Variants in PRR5L observed in about 807,000 individuals in gnomAD.
PRR5L encodes proline-rich protein 5-like.
PRR5L carries 21 observed loss-of-function variants against 36.4 expected under a neutral mutation model. The observed-to-expected ratio is 0.58, with a 90% confidence interval of 0.41 to 0.83. PRR5L has a LOEUF of 0.83. Ranked by LOEUF, PRR5L falls within the 40% of genes least tolerant of loss-of-function variation. The pLI is 0.00. For synonymous variants in PRR5L, 188 were observed against 197.0 expected, an observed-to-expected ratio of 0.95 and a Z score of 0.38; for missense variants, 381 against 473.3, an observed-to-expected ratio of 0.80 and a Z score of 1.81.
intron 3 of PRR5L, among the ~76,000 whole-genome samples, chr11:36,408,022 C>T (rs1052896921): frequency 2.0e-5 from 3 of 152,108 alleles, no homozygotes; most frequent in African/African-American, 7.2e-5. Flanking sequence ...CCCCGTAGTC[C>T]CAGAACTTTG....
At chr11:36,424,085 T>TG (rs777338456) in intron 4 of PRR5L, among the ~76,000 whole-genome samples, 6 of 152,094 alleles carry the variant, frequency 3.9e-5, no homozygotes, top group African/African-American at 9.7e-5. Context: ...TGAGTCTCCG[T>TG]GGAAAAAAAT....
chr11:36,411,161 T>C (rs1404853325), intron 3 of PRR5L, among the ~76,000 whole-genome samples: 1 of 152,224 alleles, frequency 6.6e-6, no homozygotes, highest in Non-Finnish European at 1.5e-5. Context: ...TGGGTCTTTC[T>C]CTGTGTGCAA....
intron 3 of PRR5L, among the ~76,000 whole-genome samples, chr11:36,412,056 T>C (rs1858038693): frequency 6.6e-6 from 1 of 152,168 alleles, no homozygotes; most frequent in African/African-American, 2.4e-5. Context: ...GTAGGTATCC[T>C]TATCCTCCCC....
At position 36,462,975 on chromosome 11, in the gene PRR5L, T is replaced by C. The variant is rs1859223975; in HGVS notation, c.*239T>C. On this transcript the variant is annotated 3_prime_UTR_variant, in exon 9 of 9. Transcript: ENST00000530639. ...GTGACCAGTTGCCTAATGGTCACTT[T>C]CTGACTCCAGCCTTGCCAGCCTGAC... 2 of 419,436 alleles carry C rather than the reference T, an allele frequency of 4.8e-6. No individual in the cohort carries two copies. The highest frequency in any genetic ancestry group is 4.1e-5 in the Admixed American group (1 of 24,630). 26.0% of individuals were successfully genotyped at this position (419,436 alleles called of 1,614,324 possible).
intron 1 of PRR5L, among the ~76,000 whole-genome samples, chr11:36,353,028 C>T (rs1443762668): frequency 2.0e-5 from 3 of 152,160 alleles, no homozygotes; most frequent in Non-Finnish European, 4.4e-5. Context: ...CTTGCTCTGT[C>T]TCCCAGACTG....
rs561705899 is a variant in PRR5L at position 36,377,175 on chromosome 11, C to T, written c.-125-23822C>T. Among the ~76,000 whole-genome samples, 62 of 152,324 alleles carry T rather than the reference C, an allele frequency of 4.1e-4. No individual in the cohort carries two copies. The highest frequency in any genetic ancestry group is 6.9e-4 in the Non-Finnish European group (47 of 68,022). On this transcript the variant is annotated intron_variant, in intron 1 of 8. Coordinates refer to ENST00000530639, the MANE Select transcript of PRR5L (RefSeq NM_001160167.2). The surrounding 1 kb of genome is among the most constrained non-coding windows in gnomAD (Gnocchi z 5.1). ...TGCAGCAGCCTTTTCCCGGCGGTCC[C>T]CCTTTTTCTGGAGGGAGGCGTGGGA...
chr11:36,313,721 A>G (rs1856527594), intron 1 of PRR5L, among the ~76,000 whole-genome samples: 1 of 152,184 alleles, frequency 6.6e-6, no homozygotes. Context: ...TAACAGCATG[A>G]TTGACCTTGT....
intron 1 of PRR5L, among the ~76,000 whole-genome samples, chr11:36,316,338 A>G (rs928089966): frequency 3.3e-5 from 5 of 152,188 alleles, no homozygotes; most frequent in African/African-American, 1.2e-4. Flanking sequence ...CACTGCCTAG[A>G]CAGAGCTGAT....
intron 8 of PRR5L, among the ~76,000 whole-genome samples, chr11:36,456,846 C>A (rs1285576710): frequency 6.6e-6 from 1 of 152,244 alleles, no homozygotes; most frequent in Non-Finnish European, 1.5e-5. Flanking sequence ...GCTCAAGCCC[C>A]TGTTGGGGGC....
intron 1 of PRR5L, among the ~76,000 whole-genome samples, chr11:36,366,616 T>G (rs1413570554): frequency 2.0e-5 from 3 of 152,206 alleles, no homozygotes; most frequent in African/African-American, 7.2e-5. Context: ...AAATTACTAA[T>G]TAATTAGTAT....
At chr11:36,370,220 T>G (rs534595215) in intron 1 of PRR5L, among the ~76,000 whole-genome samples, 5 of 152,358 alleles carry the variant, frequency 3.3e-5, no homozygotes, top group African/African-American at 9.6e-5. Flanking sequence ...GCCTCTGTAC[T>G]GACCATTTCT....
At chr11:36,386,061 C>T (rs557299787) in intron 1 of PRR5L, among the ~76,000 whole-genome samples, 3 of 152,244 alleles carry the variant, frequency 2.0e-5, no homozygotes, top group South Asian at 2.1e-4. Flanking sequence ...TTTGAGAGGC[C>T]GCAATGGAAG....
chr11:36,461,599 G>A (rs1408667374), intron 8 of PRR5L, among the ~76,000 whole-genome samples: 1 of 143,758 alleles, frequency 7.0e-6, no homozygotes, highest in East Asian at 2.1e-4. Context: ...CTCCAGCCTG[G>A]GTAACAAGAG....
At chr11:36,420,318 C>T (rs919199254) in intron 4 of PRR5L, among the ~76,000 whole-genome samples, 3 of 152,276 alleles carry the variant, frequency 2.0e-5, no homozygotes, top group Non-Finnish European at 2.9e-5. Flanking sequence ...GCACTCTGTA[C>T]GTAGTGTGTA....
At chr11:36,446,724 C>G (rs1041192685) in intron 7 of PRR5L, among the ~76,000 whole-genome samples, 1 of 152,136 alleles carries the variant, frequency 6.6e-6, no homozygotes, top group African/African-American at 2.4e-5. Context: ...TTTCCCCTCT[C>G]CAGTGATGCC....
chr11:36,394,534 A>C (rs2133547808), intron 1 of PRR5L: 1 of 152,328 alleles, frequency 6.6e-6, no homozygotes, highest in South Asian at 2.1e-4. Context: ...GGAGGCCATA[A>C]GTGCAGAATT....
At position 36,462,621 on chromosome 11, in the gene PRR5L, C is replaced by T. The variant is rs182532599; in HGVS notation, c.992C>T (p.Pro331Leu). 4.7e-5 allele frequency: 76 copies of T among 1,612,462 alleles called. No homozygotes were observed. The highest frequency in any genetic ancestry group is 3.8e-4 in the Admixed American group (23 of 59,978). The change falls in exon 9 of 9, where the codon CCG becomes CTG. Residue 331 changes from proline to leucine, a missense_variant. Transcript: ENST00000530639. ...CTGCTCCTGCCACCCAGCTTCCCCC[C>T]GCCCCACCGGCAGTGCTCCAGTGAG... ...KCLLLPPSFP[P>L]PHRQCSSEPN...
At chr11:36,389,334 G>A (rs530762437) in intron 1 of PRR5L, among the ~76,000 whole-genome samples, 61 of 152,324 alleles carry the variant, frequency 4.0e-4, no homozygotes, top group African/African-American at 1.4e-3. Context: ...CAAAGCCTAA[G>A]AGGGTTTTGT....
rs1859266528 is a variant in PRR5L, at chr11:36,464,976, A to G, written c.*2240A>G. On this transcript the variant is annotated 3_prime_UTR_variant, in exon 9 of 9. Transcript: ENST00000530639. ...ATAGACTGTACCTATAAAAAATTTT[A>G]TTGATGTTTATGGTCATGTTAGCTA... is the stretch of plus-strand genomic sequence containing the variant. 1 of 152,172 alleles carries G rather than the reference A, an allele frequency of 6.6e-6. No individual in the cohort carries two copies. The highest frequency in any genetic ancestry group is 2.4e-5 in the African/African-American group (1 of 41,458). 9.4% of individuals were successfully genotyped at this position (152,172 alleles called of 1,614,324 possible).
Sources: allele counts gnomAD v4.1 joint callset (sites outside exome capture counted in the v4.1 genomes callset), GRCh38; gene constraint gnomAD v4.1.1; non-coding constraint Gnocchi (gnomAD v3.1); transcripts MANE v1.5; gene names NCBI Gene and HGNC (gene_info 2026-07-23, HGNC 2026-07-21).